Variants in FDFT1 observed in about 807,000 individuals in gnomAD.
FDFT1 encodes squalene synthase.
Under a neutral mutation model 46.8 loss-of-function variants are expected in FDFT1, and 68 were observed. That is an observed-to-expected ratio of 1.45 (90% CI 1.19 to 1.78). The LOEUF (loss-of-function observed/expected upper bound fraction) is 1.78, where lower values mean the gene tolerates loss of function less well. Ranked by LOEUF, FDFT1 falls within the 40% of genes most tolerant of loss-of-function variation. The probability of loss-of-function intolerance (pLI) is 0.00; values close to 1 mark genes in which losing one functional copy is unlikely to be tolerated. For synonymous variants in FDFT1, 351 were observed against 185.1 expected, an observed-to-expected ratio of 1.90 and a Z score of -7.28; for missense variants, 928 against 524.4, an observed-to-expected ratio of 1.77 and a Z score of -7.52.
At chr8:11,832,557 A>AAAAAAAAAAAAAAG (rs1810955546) in intron 7 of FDFT1, among the ~76,000 whole-genome samples, 1 of 141,838 alleles carries the variant, frequency 7.1e-6, no homozygotes, top group Non-Finnish European at 1.6e-5. Context: ...GTCTCAAAAA[A>AAAAAAAAAAAAAAG]AAAAAAAAAA....
At chr8:11,802,452 C>T (rs1410374341), upstream of FDFT1, 5 of 463,632 alleles carry the variant, frequency 1.1e-5, no homozygotes, top group Admixed American at 2.3e-5. Context: ...CGCTCCCAGC[C>T]GGGGTAAGCG....
upstream of FDFT1, among the ~76,000 whole-genome samples, chr8:11,799,337 G>A (rs560570008): frequency 1.3e-5 from 2 of 152,336 alleles, no homozygotes; most frequent in South Asian, 4.1e-4. Flanking sequence ...TGGTGGAGCT[G>A]CAGGTGTTTT....
chr8:11,821,066 C>T (rs183775019), intron 3 of FDFT1, among the ~76,000 whole-genome samples: 60 of 152,302 alleles, frequency 3.9e-4, no homozygotes, highest in African/African-American at 1.4e-3. Flanking sequence ...TAGAATGATA[C>T]TTGTTACATA....
rs1342992077 is a variant in FDFT1, at chr8:11,809,593, G to A, written c.198-74G>A. ...GTGAGATGGGTTTAGAAAGTGGCCAGGCACAAGTTATTTTAAAATAAAAAA... is the reference window on the plus strand; with the variant it reads ...GTGAGATGGGTTTAGAAAGTGGCCAAGCACAAGTTATTTTAAAATAAAAAA... On this transcript the variant is annotated intron_variant, in intron 2 of 7. Coordinates refer to ENST00000220584, the MANE Select transcript of FDFT1 (RefSeq NM_004462.5). 5.5e-6 allele frequency: 8 copies of A among 1,447,872 alleles called. No individual in the cohort carries two copies. In the East Asian group the frequency reaches 1.7e-4, roughly 30 times the overall value. 89.7% of individuals were successfully genotyped at this position (1,447,872 alleles called of 1,614,324 possible).
intron 4 of FDFT1, among the ~76,000 whole-genome samples, chr8:11,824,216 C>T (rs558993427): frequency 1.4e-3 from 213 of 151,706 alleles, no homozygotes; most frequent in Non-Finnish European, 2.4e-3. Flanking sequence ...ACTTTTGCTT[C>T]TTAAGTTAAC....
intron 7 of FDFT1, among the ~76,000 whole-genome samples, chr8:11,838,005 G>A (rs1811774726): frequency 6.6e-6 from 1 of 152,196 alleles, no homozygotes; most frequent in Admixed American, 6.5e-5. Flanking sequence ...CTTTTGCCCA[G>A]TCTTTCCAGC....
At chr8:11,830,467 G>C (rs781487529) in intron 6 of FDFT1, 47 bp downstream of exon 6, 1 of 1,387,614 alleles carries the variant, frequency 7.2e-7, no homozygotes, top group Non-Finnish European at 1.0e-6. Flanking sequence ...AAAGGGAGTG[G>C]GGTAGGAGTA....
intron 4 of FDFT1, among the ~76,000 whole-genome samples, chr8:11,825,692 A>AAT (rs1454014658): frequency 2.7e-5 from 4 of 150,910 alleles, no homozygotes; most frequent in Non-Finnish European, 5.9e-5. Flanking sequence ...ATCTCAAAAA[A>AAT]AAAATAAAAA....
rs376882729 is a variant in FDFT1, at chr8:11,805,223, C to G, written c.99+2292C>G. On this transcript the variant is annotated intron_variant, in intron 1 of 7. Transcript: ENST00000220584. ...GAGCCACTGCACCCAACCAGTTTCT[C>G]TCTGCAAACTAGGGAAAAAATTTAC... Among the ~76,000 whole-genome samples the G allele has an allele frequency of 1.2e-4, 19 of 152,170 alleles. 1 individual carries two copies. Among genetic ancestry groups the G allele is most frequent in the African/African-American group, 4.1e-4 (17 of 41,446 alleles).
intron 1 of FDFT1, among the ~76,000 whole-genome samples, chr8:11,805,498 C>T (rs1351320487): frequency 6.6e-6 from 1 of 152,182 alleles, no homozygotes; most frequent in Non-Finnish European, 1.5e-5. Flanking sequence ...TATCTTAAGT[C>T]TGTTATTAAG....
At chr8:11,815,808 T>C (rs1015982250) in intron 3 of FDFT1, among the ~76,000 whole-genome samples, 2 of 152,242 alleles carry the variant, frequency 1.3e-5, no homozygotes, top group Admixed American at 6.5e-5. Context: ...TTTTCTCCTA[T>C]TCTGTAGGTT....
intron 2 of FDFT1, 113 bp from the exon 3 acceptor site, chr8:11,809,554 C>A: frequency 7.6e-7 from 1 of 1,312,840 alleles, no homozygotes; most frequent in Non-Finnish European, 1.0e-6. Context: ...CCTTATAGTT[C>A]TTTAGAGTTA....
intron 3 of FDFT1, among the ~76,000 whole-genome samples, chr8:11,810,808 G>A (rs920828663): frequency 1.3e-5 from 2 of 152,008 alleles, no homozygotes; most frequent in African/African-American, 4.8e-5. Context: ...AGCTTTTGGA[G>A]AACAGTCCTT....
At chr8:11,819,715 C>T (rs1295914558) in intron 3 of FDFT1, among the ~76,000 whole-genome samples, 1 of 152,094 alleles carries the variant, frequency 6.6e-6, no homozygotes, top group Non-Finnish European at 1.5e-5. Flanking sequence ...AAGCTCTTCT[C>T]TACACTGGTT....
At chr8:11,812,219 G>A (rs1054688807) in intron 3 of FDFT1, among the ~76,000 whole-genome samples, 3 of 152,272 alleles carry the variant, frequency 2.0e-5, no homozygotes, top group Non-Finnish European at 4.4e-5. Context: ...TCTGTACCAC[G>A]TTCTGGACAT....
chr8:11,830,457 A>T lies in FDFT1; in HGVS notation c.879+37A>T, dbSNP rs540577739. On this transcript the variant is annotated intron_variant, in intron 6 of 7. Transcript: ENST00000220584. ...GGCTCCTCTGGGTGGATACGGGGCT[A>T]AAGGGAGTGGGGTAGGAGTAAGGGT... The T allele has an allele frequency of 7.5e-6, 11 of 1,473,102 alleles. No homozygotes were observed. The South Asian group carries it at 1.3e-4, about 17-fold the overall frequency. 91.3% of individuals were successfully genotyped at this position (1,473,102 alleles called of 1,614,324 possible). A position where few individuals can be genotyped will look rare whatever the true frequency, so the allele number is the denominator to read the frequency against.
chr8:11,835,912 T>A (rs1446522355), intron 7 of FDFT1, among the ~76,000 whole-genome samples: 2 of 141,928 alleles, frequency 1.4e-5, no homozygotes, highest in Admixed American at 7.8e-5. Context: ...GGCAGGCGGA[T>A]CACTTGAGGT....
upstream of FDFT1, chr8:11,802,082 C>G (rs909525726): frequency 2.9e-5 from 13 of 455,274 alleles, no homozygotes; most frequent in Non-Finnish European, 2.2e-5. Context: ...GCTCCTTTTT[C>G]TAGGACTAAG....
chr8:11,817,452 C>G (rs545206525), intron 3 of FDFT1, among the ~76,000 whole-genome samples: 1 of 152,336 alleles, frequency 6.6e-6, no homozygotes, highest in South Asian at 2.1e-4. Context: ...ACCAGCTCCT[C>G]TTTGTACCTC....
Sources: allele counts gnomAD v4.1 joint callset (sites outside exome capture counted in the v4.1 genomes callset), GRCh38; gene constraint gnomAD v4.1.1; transcripts MANE v1.5; gene names NCBI Gene and HGNC (gene_info 2026-07-23, HGNC 2026-07-21).